The following PSG8 variants were observed in gnomAD, a reference collection of about 807,000 sequenced individuals.
The protein encoded by PSG8 is pregnancy specific beta-1-glycoprotein 8.
In PSG8, 57 loss-of-function variants were observed where a neutral mutation model predicts 42.5. The observed-to-expected ratio is 1.34, with a 90% CI of 1.08 to 1.67. PSG8 has a LOEUF of 1.67. Ranked by LOEUF, PSG8 falls within the 40% of genes most tolerant of loss-of-function variation. PSG8 has a pLI of 0.00. For synonymous variants in PSG8, 280 were observed against 196.8 expected (o/e 1.42, Z -3.54); for missense variants, 783 against 518.6 (o/e 1.51, Z -4.95).
downstream of PSG8, chr19:42,752,692 G>A (rs144318143): frequency 0.031 from 4,887 of 159,766 alleles, 252 homozygotes; most frequent in African/African-American, 0.11. Context: ...AACAGTATTA[G>A]CAAATGTGGT....
chr19:42,754,381 A>T lies in PSG8; in HGVS notation c.1195T>A (p.Ser399Thr). 6.2e-7 allele frequency: 1 copy of T among 1,613,816 alleles called. No homozygotes were observed. Among genetic ancestry groups the T allele is most frequent in the Non-Finnish European group, 8.5e-7 (1 of 1,179,792 alleles). ...TTGGAGCTTTCCTTGCCAGTGGCTG[A>T]GTTACGAACAGAGCAAGCATAGAGC... ...SGLYACSVRN[S>T]ATGKESSKSM... is the part of the protein sequence containing the mutation. Residue 399 changes from serine (S) to threonine (T), a missense_variant, in exon 5 of 5, where the codon TCA (serine) becomes ACA (threonine). Ser to Thr is a moderately conservative substitution (Grantham distance 58). Transcript: ENST00000306511.
intron 2 of PSG8, chr19:42,758,775 A>C (rs1408508812): frequency 5.8e-6 from 1 of 171,064 alleles, no homozygotes; most frequent in African/African-American, 2.4e-5. Context: ...CTGGCCTGGG[A>C]CTGGGTACTT....
At chr19:42,759,824 C>G (rs1358806158) in intron 2 of PSG8, among the ~76,000 whole-genome samples, 1 of 152,104 alleles carries the variant, frequency 6.6e-6, no homozygotes, top group African/African-American at 2.4e-5. Context: ...TAGTATTTCT[C>G]TTGAGACCAA....
Position 42,754,326 on chromosome 19 carries a change from C to T in PSG8, c.1250G>A (p.Arg417Gln), listed in dbSNP as rs762189392. Residue 417 changes from arginine to glutamine, a missense_variant, in exon 5 of 5, where the codon CGG becomes CAG. By Grantham distance (43) the Arg-to-Gln change is conservative. Coordinates refer to ENST00000306511, the MANE Select transcript of PSG8 (RefSeq NM_182707.3). The stretch of plus-strand genomic sequence containing the variant: ...CCCTATTGCCAAGGATACTGGGATC[C>T]GCTTACCAGAGACTTTTACTGTCAT... The part of the protein sequence containing the change: ...KSMTVKVSGK[R>Q]IPVSLAIGI 24 of 1,613,600 alleles carry T rather than the reference C, an allele frequency of 1.5e-5. No homozygotes were observed. Among genetic ancestry groups the T allele is most frequent in the Admixed American group, 1.3e-4 (8 of 59,968 alleles).
intron 1 of PSG8, 135 bp downstream of exon 1, chr19:42,765,381 TGA>T (rs1970191391): frequency 1.5e-6 from 2 of 1,373,268 alleles, no homozygotes; most frequent in Non-Finnish European, 2.0e-6. Flanking sequence ...CTTGAACTCC[TGA>T]TCTCATGATC....
chr19:42,753,051 G>A, downstream of PSG8: 1 of 577,270 alleles, frequency 1.7e-6, no homozygotes. Context: ...AAAGAGGCAG[G>A]CATGAGCAAG....
chr19:42,755,437 A>T (rs924503085), intron 3 of PSG8, 171 bp from the exon 4 acceptor site: 7 of 1,351,652 alleles, frequency 5.2e-6, no homozygotes, highest in African/African-American at 1.5e-5. Context: ...GGGCTCAAAG[A>T]CTATGAGGCC....
chr19:42,764,378 C>A (rs1970161793), intron 1 of PSG8, 97 bp from the exon 2 acceptor site: 1 of 1,511,192 alleles, frequency 6.6e-7, no homozygotes, highest in Non-Finnish European at 8.9e-7. Context: ...CAGTCCTCAG[C>A]CTTGAAGACA....
intron 2 of PSG8, among the ~76,000 whole-genome samples, chr19:42,762,726 GT>G (rs1032719820): frequency 6.6e-6 from 1 of 152,040 alleles, no homozygotes; most frequent in African/African-American, 2.4e-5. Context: ...GCCTGGACAT[GT>G]TTTTTCCACT....
downstream of PSG8, chr19:42,753,251 A>C (rs1414158788): frequency 1.5e-5 from 12 of 778,534 alleles, no homozygotes; most frequent in Admixed American, 2.0e-4. Context: ...TTTTCCCATG[A>C]AATTTACATT....
At chr19:42,756,065 T>G (rs1052881047) in intron 3 of PSG8, 2 of 152,304 alleles carry the variant, frequency 1.3e-5, no homozygotes, top group Non-Finnish European at 2.9e-5. Context: ...TCCAGAAATA[T>G]ATGTGGACAT....
Position 42,762,522 on chromosome 19 carries a change from C to T in PSG8, c.430+1394G>A, listed in dbSNP as rs1307316918. On this transcript the variant is annotated intron_variant, in intron 2 of 4. Coordinates refer to ENST00000306511, the MANE Select transcript of PSG8 (RefSeq NM_182707.3). ...GTCTCTAAAGAGGTTTTGGATCATT[C>T]ATTTCATTCCATTCCTTCATTTGTT... Among the ~76,000 whole-genome samples the T allele has an allele frequency of 5.3e-5, 8 of 152,000 alleles. 2 individuals are homozygous for T. Among genetic ancestry groups the T allele is most frequent in the Admixed American group, 5.2e-4 (8 of 15,278 alleles).
chr19:42,764,053 C>T lies in PSG8; in HGVS notation c.293G>A (p.Arg98Gln), dbSNP rs142736244. The T allele has an allele frequency of 2.2e-5, 36 of 1,613,826 alleles. No individual in the cohort carries two copies. In the East Asian group the frequency reaches 3.6e-4, roughly 16 times the overall value. Residue 98 changes from arginine (R) to glutamine (Q), a missense_variant, in exon 2 of 5, where the codon CGA becomes CAA. By Grantham distance (43) the Arg-to-Gln change is conservative. Transcript: ENST00000306511. Reference protein sequence around the residue: ...IIIYGPAYSGRETIYSNASLL... With the variant: ...IIIYGPAYSGQETIYSNASLL... Reference sequence around the variant, plus strand: ...GGATGCATTGGAATATATTGTTTCTCGTCCACTGTATGCAGGCCCATATAT... The same window carrying T: ...GGATGCATTGGAATATATTGTTTCTTGTCCACTGTATGCAGGCCCATATAT...
At chr19:42,765,130 G>A (rs1970183599) in intron 1 of PSG8, among the ~76,000 whole-genome samples, 1 of 151,166 alleles carries the variant, frequency 6.6e-6, no homozygotes, top group South Asian at 2.1e-4. Context: ...CTCCAATAGA[G>A]CCTTCTTTCC....
At chr19:42,763,793 A>G (rs1283450268) in intron 2 of PSG8, 123 bp downstream of exon 2, 2 of 1,559,196 alleles carry the variant, frequency 1.3e-6, no homozygotes, top group Non-Finnish European at 8.8e-7. Context: ...AAATGCCCAA[A>G]CCCCAGCATG....
In PSG8 at chr19:42,765,334, A is replaced by G. The variant is rs546759218; in HGVS notation, c.64+184T>C. ...TATCTGGTTAAATTTTTGTATTTTT[A>G]GTAGAGACAGGGCTTCACTGTGTTG... On this transcript the variant is annotated intron_variant, in intron 1 of 4. Transcript: ENST00000306511. Among the ~76,000 whole-genome samples, 35 of 152,078 alleles carry G rather than the reference A, an allele frequency of 2.3e-4. No individual in the cohort carries two copies. The Middle Eastern group carries it at 0.017, about 74-fold the overall frequency.
At chr19:42,763,117 T>TG (rs1970118937) in intron 2 of PSG8, among the ~76,000 whole-genome samples, 1 of 152,022 alleles carries the variant, frequency 6.6e-6, no homozygotes. Flanking sequence ...ACAGTGGAGG[T>TG]TTCACACAAA....
At chr19:42,763,324 G>A (rs777553965) in intron 2 of PSG8, among the ~76,000 whole-genome samples, 2 of 152,122 alleles carry the variant, frequency 1.3e-5, no homozygotes, top group Non-Finnish European at 2.9e-5. Flanking sequence ...TCCACTCTGA[G>A]TGTCAGGTGA....
At chr19:42,759,392 C>G (rs934328690) in intron 2 of PSG8, among the ~76,000 whole-genome samples, 5 of 152,116 alleles carry the variant, frequency 3.3e-5, no homozygotes, top group Non-Finnish European at 7.4e-5. Flanking sequence ...TTCTAGAGAT[C>G]TCCTGTACAG....
Sources: allele counts gnomAD v4.1 joint callset (sites outside exome capture counted in the v4.1 genomes callset), GRCh38; gene constraint gnomAD v4.1.1; transcripts MANE v1.5; gene names NCBI Gene and HGNC (gene_info 2026-07-23, HGNC 2026-07-21).